Variants in NRG3 observed in about 807,000 individuals in gnomAD.
NRG3 encodes the protein pro-neuregulin-3, membrane-bound isoform.
In NRG3, 31 loss-of-function variants were observed where a neutral mutation model predicts 66.9. That is an observed-to-expected ratio of 0.46 (90% confidence interval 0.35 to 0.63). The LOEUF (loss-of-function observed/expected upper bound fraction) is 0.63, where lower values mean the gene tolerates loss of function less well. Among genes scored for constraint, NRG3 ranks in the 20% least tolerant of loss-of-function variants. The probability of loss-of-function intolerance (pLI) is 0.00; values close to 1 mark genes in which losing one functional copy is unlikely to be tolerated. For synonymous variants in NRG3, 393 were observed against 359.4 expected (o/e 1.09, Z -1.06); for missense variants, 910 against 878.9 (o/e 1.04, Z -0.45).
At position 81,963,125 on chromosome 10, in the gene NRG3, C is replaced by CTTTT. The variant is rs777026850; in HGVS notation, c.823+86985_823+86988dup. On this transcript the variant is annotated intron_variant, in intron 1 of 8. Coordinates refer to ENST00000372141, the MANE Select transcript of NRG3 (RefSeq NM_001010848.4). Reference sequence around the variant, plus strand: ...GAAAATATGATCTGCCACGAGGGCTCTTTTTTTTTTTTTTTTTTTTTTTTT... The same window carrying CTTTT: ...GAAAATATGATCTGCCACGAGGGCTCTTTTTTTTTTTTTTTTTTTTTTTTTTTTT... Among the ~76,000 whole-genome samples the CTTTT allele has an allele frequency of 1.3e-3, 90 of 70,112 alleles. 15 individuals carry two copies. Among genetic ancestry groups the CTTTT allele is most frequent in the African/African-American group, 2.6e-3 (41 of 15,650 alleles). 46.0% of individuals were successfully genotyped at this position (70,112 alleles called of 152,430 possible).
intron 2 of NRG3, among the ~76,000 whole-genome samples, chr10:82,440,040 A>G (rs778790773): frequency 6.6e-6 from 1 of 152,054 alleles, no homozygotes; most frequent in African/African-American, 2.4e-5. Flanking sequence ...CTCTTATATT[A>G]AGGTAAGTAG....
At chr10:82,798,139 G>T (rs573878945) in intron 3 of NRG3, among the ~76,000 whole-genome samples, 1 of 151,964 alleles carries the variant, frequency 6.6e-6, no homozygotes, top group Non-Finnish European at 1.5e-5. Flanking sequence ...CTTACTCACA[G>T]TACCTTGTAC....
At chr10:82,198,953 CG>C (rs2074606554) in intron 1 of NRG3, among the ~76,000 whole-genome samples, 74 of 148,526 alleles carry the variant, frequency 5.0e-4, no homozygotes, top group African/African-American at 1.8e-3. Context: ...GCCAAGATCA[CG>C]CCACTGCACT....
intron 4 of NRG3, among the ~76,000 whole-genome samples, chr10:82,908,587 T>A (rs1042214530): frequency 6.6e-6 from 1 of 152,172 alleles, no homozygotes; most frequent in African/African-American, 2.4e-5. Flanking sequence ...TATGCTAAAA[T>A]GAGAACACCC....
intron 2 of NRG3, among the ~76,000 whole-genome samples, chr10:82,635,677 C>A (rs2050147594): frequency 1.3e-5 from 2 of 152,146 alleles, no homozygotes; most frequent in Non-Finnish European, 2.9e-5. Context: ...GGCTAGACAT[C>A]CATAGTATTA....
At chr10:82,402,482 G>A (rs568830213) in intron 2 of NRG3, among the ~76,000 whole-genome samples, 2 of 152,116 alleles carry the variant, frequency 1.3e-5, no homozygotes, top group Non-Finnish European at 2.9e-5. Flanking sequence ...GCTCAAGCAG[G>A]TTCCTCAGGT....
chr10:82,586,655 A>G (rs1221737124), intron 2 of NRG3, among the ~76,000 whole-genome samples: 2 of 152,176 alleles, frequency 1.3e-5, no homozygotes, highest in East Asian at 1.9e-4. Context: ...TATTAAATAT[A>G]TTTCTTAACT....
intron 1 of NRG3, among the ~76,000 whole-genome samples, chr10:82,163,550 A>G (rs1235919204): frequency 1.3e-5 from 2 of 152,172 alleles, no homozygotes; most frequent in African/African-American, 2.4e-5. Context: ...GAATGAGACA[A>G]ATTAATTCAG....
intron 2 of NRG3, among the ~76,000 whole-genome samples, chr10:82,450,251 A>G (rs1174579442): frequency 1.3e-5 from 2 of 152,278 alleles, no homozygotes; most frequent in Non-Finnish European, 2.9e-5. Context: ...GCTGCTTTAT[A>G]TCTTCCAGAC....
intron 3 of NRG3, among the ~76,000 whole-genome samples, chr10:82,769,175 G>C (rs1385306641): frequency 3.9e-5 from 6 of 151,950 alleles, no homozygotes; most frequent in Non-Finnish European, 8.8e-5. Context: ...ATATGTTTTT[G>C]CCATTAGAAG....
intron 1 of NRG3, among the ~76,000 whole-genome samples, chr10:82,338,902 A>G (rs1382675327): frequency 6.6e-6 from 1 of 152,212 alleles, no homozygotes; most frequent in African/African-American, 2.4e-5. Flanking sequence ...AGAACTCGGC[A>G]CACTAAATTT....
intron 3 of NRG3, among the ~76,000 whole-genome samples, chr10:82,784,115 C>T (rs1343761486): frequency 6.6e-6 from 1 of 152,058 alleles, no homozygotes; most frequent in African/African-American, 2.4e-5. Flanking sequence ...GGAAAGGATT[C>T]CCTATTTAAT....
chr10:82,764,693 TA>T (rs761082293), intron 3 of NRG3, among the ~76,000 whole-genome samples: 57 of 152,270 alleles, frequency 3.7e-4, no homozygotes, highest in Admixed American at 1.6e-3. Flanking sequence ...AAAAAATTTT[TA>T]AAAAAGATAA....
At chr10:82,407,977 G>A (rs1249945821) in intron 2 of NRG3, among the ~76,000 whole-genome samples, 1 of 150,912 alleles carries the variant, frequency 6.6e-6, no homozygotes, top group African/African-American at 2.4e-5. Flanking sequence ...GCTGAGGCAG[G>A]AGAATTGCTT....
intron 4 of NRG3, among the ~76,000 whole-genome samples, chr10:82,906,699 A>AT (rs1011027761): frequency 1.3e-5 from 2 of 152,120 alleles, no homozygotes; most frequent in African/African-American, 4.8e-5. Context: ...GCTTTCTCGC[A>AT]TTTTTTTAAC....
At chr10:82,426,484 A>T (rs1178350149) in intron 2 of NRG3, among the ~76,000 whole-genome samples, 1 of 148,186 alleles carries the variant, frequency 6.7e-6, no homozygotes, top group East Asian at 2.0e-4. Flanking sequence ...AAGAAAAGTT[A>T]TCTATTTTCA....
At chr10:82,418,428 G>GCAAATTAACCAGTTTATGCAAATA (rs2088774168) in intron 2 of NRG3, among the ~76,000 whole-genome samples, 1 of 152,148 alleles carries the variant, frequency 6.6e-6, no homozygotes, top group South Asian at 2.1e-4. Flanking sequence ...TTATGCAAAT[G>GCAAATTAACCAGTTTATGCAAATA]TTTATGCAAA....
In NRG3 at chr10:82,132,294, A is replaced by G. The variant is rs530355201; in HGVS notation, c.824-226445A>G. 6.6e-5 allele frequency among the ~76,000 whole-genome samples: 10 copies of G among 151,006 alleles called. No homozygotes were observed. In the East Asian group the frequency reaches 1.7e-3, roughly 26 times the overall value. On this transcript the variant is annotated intron_variant, in intron 1 of 8. Coordinates refer to ENST00000372141, the MANE Select transcript of NRG3 (RefSeq NM_001010848.4). ...ATTTTCAATATCAATGGAAATAATC[A>G]TATGGTTTTTGTTCCTCATTCTGTT...
At chr10:82,901,845 A>G (rs4360649) in intron 4 of NRG3, among the ~76,000 whole-genome samples, 54,786 of 152,024 alleles carry the variant, frequency 0.36, 10,330 homozygotes, top group East Asian at 0.54. Flanking sequence ...GGAAGACTTC[A>G]GATTTCACAG....
Sources: allele counts gnomAD v4.1 joint callset (sites outside exome capture counted in the v4.1 genomes callset), GRCh38; gene constraint gnomAD v4.1.1; transcripts MANE v1.5; gene names NCBI Gene and HGNC (gene_info 2026-07-23, HGNC 2026-07-21).